The following ZNF831 variants were observed in gnomAD, a reference collection of about 807,000 sequenced individuals.
The protein encoded by ZNF831 is chromosome 20 open reading frame 174.
Under a neutral mutation model 95.8 loss-of-function variants are expected in ZNF831, and 59 were observed. The observed-to-expected ratio is 0.62, with a 90% CI of 0.50 to 0.77. ZNF831 has a LOEUF of 0.77. Ranked by LOEUF, ZNF831 falls within the 30% of genes least tolerant of loss-of-function variation. The pLI, the probability that ZNF831 is intolerant of heterozygous loss-of-function variation, is 0.00. For missense variants in ZNF831, 2,205 were observed against 2,164.0 expected, an observed-to-expected ratio of 1.02 and a Z score of -0.38; for synonymous variants, 961 against 925.5, an observed-to-expected ratio of 1.04 and a Z score of -0.70.
At chr20:59,127,254 G>A (rs1397114207) in intron 1 of ZNF831, among the ~76,000 whole-genome samples, 1 of 151,990 alleles carries the variant, frequency 6.6e-6, no homozygotes, top group Non-Finnish European at 1.5e-5. Context: ...TTGAGTCCAC[G>A]TCACCATTCC....
chr20:59,145,465 A>G (rs1023319796), intron 1 of ZNF831, among the ~76,000 whole-genome samples: 8 of 152,232 alleles, frequency 5.3e-5, no homozygotes, highest in African/African-American at 1.9e-4. Flanking sequence ...AGAGCAATAC[A>G]GGATGCAACA....
chr20:59,222,866 G>C (rs1986185601), intron 4 of ZNF831, among the ~76,000 whole-genome samples: 1 of 152,222 alleles, frequency 6.6e-6, no homozygotes. Flanking sequence ...AGGGGTTTCC[G>C]TGGTAGAACC....
At chr20:59,195,836 G>C in intron 2 of ZNF831, 33 bp from the exon 3 acceptor site, 1 of 1,600,494 alleles carries the variant, frequency 6.2e-7, no homozygotes, top group Admixed American at 1.7e-5. Flanking sequence ...AGGACTTTGA[G>C]TAATGTGATG....
chr20:59,225,480 C>T (rs1379066055), intron 4 of ZNF831, among the ~76,000 whole-genome samples: 1 of 152,146 alleles, frequency 6.6e-6, no homozygotes, highest in African/African-American at 2.4e-5. Context: ...ATGATGATTT[C>T]TCTATTATTT....
At chr20:59,238,585 CTTT>C (rs1292509791) in intron 4 of ZNF831, among the ~76,000 whole-genome samples, 1 of 152,170 alleles carries the variant, frequency 6.6e-6, no homozygotes, top group African/African-American at 2.4e-5. Flanking sequence ...CATTTGCTTT[CTTT>C]GTTTTCAAAG....
At position 59,193,607 on chromosome 20, in the gene ZNF831, G is replaced by A. The variant is rs756226424; in HGVS notation, c.2588G>A (p.Gly863Glu). The change falls in exon 2 of 6, where the codon GGG (glycine) becomes GAG (glutamate). Residue 863 changes from glycine to glutamate, a missense_variant. Coordinates refer to ENST00000371030, the MANE Select transcript of ZNF831 (RefSeq NM_178457.3). ...LSSQKQDADP[G>E]EVPGGSKESA... ...TCCCAGAAGCAGGATGCCGATCCCG[G>A]GGAGGTGCCAGGGGGCTCAAAGGAG... 1 of 1,612,452 alleles carries A rather than the reference G, an allele frequency of 6.2e-7. No homozygotes were observed. The highest frequency in any genetic ancestry group is 1.3e-5 in the African/African-American group (1 of 75,038).
At position 59,196,020 on chromosome 20, in the gene ZNF831, C is replaced by T. The variant is rs1274516585; in HGVS notation, c.3875+15C>T. The T allele has an allele frequency of 1.2e-6, 2 of 1,610,948 alleles. No homozygotes were observed. Among genetic ancestry groups the T allele is most frequent in the Non-Finnish European group, 1.7e-6 (2 of 1,178,464 alleles). On this transcript the variant is annotated intron_variant, in intron 3 of 5. Transcript: ENST00000371030. ...AACCCTAAAAGGTAGGATGAGTGGC[C>T]ACCTCTGTCATTTCCACAAAACCCC...
chr20:59,207,688 T>C (rs1035831801), intron 4 of ZNF831, among the ~76,000 whole-genome samples: 1 of 152,166 alleles, frequency 6.6e-6, no homozygotes, highest in Non-Finnish European at 1.5e-5. Flanking sequence ...CCTCTTCCTT[T>C]CTCCCCTCTC....
intron 1 of ZNF831, among the ~76,000 whole-genome samples, chr20:59,130,991 G>A (rs1346635026): frequency 1.3e-5 from 2 of 152,170 alleles, no homozygotes; most frequent in Non-Finnish European, 2.9e-5. Context: ...GGGCGTGGAA[G>A]CATGTGGTGC....
intron 4 of ZNF831, among the ~76,000 whole-genome samples, chr20:59,223,926 G>A (rs1400212374): frequency 1.3e-5 from 2 of 152,180 alleles, no homozygotes; most frequent in South Asian, 2.1e-4. Flanking sequence ...AGGAGGCCAC[G>A]GGACAGGAGG....
intron 1 of ZNF831, among the ~76,000 whole-genome samples, chr20:59,183,505 G>A (rs917837640): frequency 9.9e-5 from 15 of 152,196 alleles, no homozygotes; most frequent in South Asian, 4.1e-4. Flanking sequence ...TTAATGGTTC[G>A]TAGGGAAAAT....
chr20:59,211,779 T>TTGTGTGTGTG (rs11472424), intron 4 of ZNF831, among the ~76,000 whole-genome samples: 22 of 146,786 alleles, frequency 1.5e-4, no homozygotes, highest in Non-Finnish European at 2.1e-4. Context: ...GGAGCTGACC[T>TTGTGTGTGTG]TGTGTGTGTG....
rs763742843 is a variant in ZNF831 at position 59,254,099 on chromosome 20, T to C, written c.4390T>C (p.Tyr1464His). The C allele has an allele frequency of 1.9e-6, 3 of 1,614,062 alleles. No individual in the cohort carries two copies. Among genetic ancestry groups the C allele is most frequent in the Non-Finnish European group, 1.7e-6 (2 of 1,180,028 alleles). ...TTCAGTCTCAACAGATCCCAAACCA[T>C]ACATCTTCTCAGATGCTCAAAGGCC... ...QDSVSTDPKP[Y>H]IFSDAQRPSS... is the part of the protein sequence containing the mutation. The change falls in exon 6 of 6, where the codon TAC becomes CAC. Residue 1464 changes from tyrosine to histidine, a missense_variant. Tyr to His is a moderately conservative substitution (Grantham distance 83, BLOSUM62 2). Coordinates refer to ENST00000371030, the MANE Select transcript of ZNF831 (RefSeq NM_178457.3). The surrounding 1 kb of genome is among the most constrained non-coding windows in gnomAD (Gnocchi z 4.5).
chr20:59,223,456 A>G (rs1986229536), intron 4 of ZNF831, among the ~76,000 whole-genome samples: 1 of 152,220 alleles, frequency 6.6e-6, no homozygotes, highest in African/African-American at 2.4e-5. Flanking sequence ...ACGTTTTAAC[A>G]GAGAGATGCA....
chr20:59,255,647 C>T lies in ZNF831; in HGVS notation c.*904C>T, dbSNP rs1988144391. ...CTGAGCAATTTCAATTAGAGGGTTA[C>T]ATTTTAGTAATCTGTACAGCTTCAA... is the stretch of plus-strand genomic sequence containing the variant. On this transcript the variant is annotated 3_prime_UTR_variant, in exon 6 of 6. Transcript: ENST00000371030. 1 of 152,212 alleles carries T rather than the reference C, an allele frequency of 6.6e-6. No homozygotes were observed. The highest frequency in any genetic ancestry group is 6.5e-5 in the Admixed American group (1 of 15,286). The allele number at this position is 152,212 out of a possible 1,614,324, so 9.4% of individuals were successfully genotyped here. A position where few individuals can be genotyped will look rare whatever the true frequency, so the allele number is the denominator to read the frequency against.
intron 1 of ZNF831, among the ~76,000 whole-genome samples, chr20:59,187,535 T>C (rs1266018235): frequency 1.3e-5 from 2 of 152,228 alleles, no homozygotes; most frequent in Admixed American, 6.5e-5. Flanking sequence ...ATCTAGGGTA[T>C]TTTTGTTATA....
At chr20:59,227,638 C>T (rs1297704560) in intron 4 of ZNF831, among the ~76,000 whole-genome samples, 1 of 152,078 alleles carries the variant, frequency 6.6e-6, no homozygotes, top group Non-Finnish European at 1.5e-5. Context: ...TTTGAATACC[C>T]TCAAACTTCA....
chr20:59,218,849 C>T (rs1037961845), intron 4 of ZNF831, among the ~76,000 whole-genome samples: 1 of 151,966 alleles, frequency 6.6e-6, no homozygotes, highest in Non-Finnish European at 1.5e-5. Flanking sequence ...CCCCTCTCTA[C>T]TAAAAATATA....
chr20:59,185,930 T>C (rs1358209186), intron 1 of ZNF831, among the ~76,000 whole-genome samples: 3 of 148,662 alleles, frequency 2.0e-5, no homozygotes, highest in African/African-American at 7.9e-5. Flanking sequence ...GAAGCCCTGC[T>C]CACCTATTCT....
Sources: allele counts gnomAD v4.1 joint callset (sites outside exome capture counted in the v4.1 genomes callset), GRCh38; gene constraint gnomAD v4.1.1; non-coding constraint Gnocchi (gnomAD v3.1); transcripts MANE v1.5; gene names NCBI Gene and HGNC (gene_info 2026-07-23, HGNC 2026-07-21).